MX1: variants seen among roughly 807,000 people sequenced by gnomAD.
MX1 encodes MX dynamin like GTPase 1.
In MX1, 66 loss-of-function variants were observed where a neutral mutation model predicts 66.4. The ratio of observed to expected loss-of-function variants is 0.99; its 90% CI spans 0.82 to 1.22. The LOEUF (loss-of-function observed/expected upper bound fraction) is 1.22. Ranked by LOEUF, MX1 falls within the 50% of genes most tolerant of loss-of-function variation. The pLI is 0.00. For synonymous variants in MX1, 311 were observed against 318.1 expected, an observed-to-expected ratio of 0.98 and a Z score of 0.24; for missense variants, 787 against 834.3, an observed-to-expected ratio of 0.94 and a Z score of 0.70.
chr21:41,438,029 G>A (rs1451911670), intron 7 of MX1, among the ~76,000 whole-genome samples: 1 of 152,256 alleles, frequency 6.6e-6, no homozygotes, highest in Admixed American at 6.5e-5. Flanking sequence ...AACAGCCTCT[G>A]TGAGATGCAT....
At chr21:41,445,361 C>A in intron 11 of MX1, 87 bp from the exon 12 acceptor site, 1 of 1,507,822 alleles carries the variant, frequency 6.6e-7, no homozygotes, top group Non-Finnish European at 9.1e-7. Context: ...GCCCACACAA[C>A]TCCTCTGCAG....
intron 3 of MX1, chr21:41,428,929 G>A (rs553054869): frequency 6.6e-6 from 1 of 152,342 alleles, no homozygotes; most frequent in African/African-American, 2.4e-5. Context: ...AGGGGCAGTT[G>A]CTCAGGATGT....
At chr21:41,452,595 C>T in intron 15 of MX1, 26 bp from the exon 16 acceptor site, 1 of 1,579,376 alleles carries the variant, frequency 6.3e-7, no homozygotes, top group Non-Finnish European at 8.6e-7. Context: ...TTGAGGGAAA[C>T]TGTATTTATT....
upstream of MX1, among the ~76,000 whole-genome samples, chr21:41,425,260 C>T (rs2090038699): frequency 1.3e-5 from 2 of 151,828 alleles, no homozygotes; most frequent in Admixed American, 6.6e-5. Context: ...GGGGTGGGGC[C>T]GTTTTATAGG....
chr21:41,441,335 C>G lies in MX1; in HGVS notation c.730+310C>G. ...GGCTAGGTTGCCTTGTAAGCCTTAT[C>G]TACTTGCTCAGAAAGGCACAGTGGG... On this transcript the variant is annotated intron_variant, in intron 9 of 16. Transcript: ENST00000398598. The surrounding 1 kb of genome is among the most constrained non-coding windows in gnomAD (Gnocchi z 4.0). 1 of 438,762 alleles carries G rather than the reference C, an allele frequency of 2.3e-6. No individual in the cohort carries two copies. The highest frequency in any genetic ancestry group is 4.2e-6 in the Non-Finnish European group (1 of 236,974). The allele number at this position is 438,762 out of a possible 1,614,324, so 27.2% of individuals were successfully genotyped here.
At chr21:41,452,300 G>A (rs887780846) in intron 15 of MX1, among the ~76,000 whole-genome samples, 3 of 152,102 alleles carry the variant, frequency 2.0e-5, no homozygotes, top group African/African-American at 2.4e-5. Context: ...GACAATCCTC[G>A]CCATCAGATA....
chr21:41,446,395 C>T (rs2090666189), intron 13 of MX1, among the ~76,000 whole-genome samples: 1 of 152,110 alleles, frequency 6.6e-6, no homozygotes, highest in East Asian at 1.9e-4. Context: ...ACAGGCATAC[C>T]TCAGAGATAT....
At chr21:41,431,254 C>T (rs2090203840) in intron 4 of MX1, among the ~76,000 whole-genome samples, 1 of 152,206 alleles carries the variant, frequency 6.6e-6, no homozygotes, top group Non-Finnish European at 1.5e-5. Flanking sequence ...AACTCCTGAC[C>T]TCAGGTGATC....
intron 16 of MX1, among the ~76,000 whole-genome samples, chr21:41,455,576 A>G (rs2090938412): frequency 6.6e-6 from 1 of 152,200 alleles, no homozygotes; most frequent in Non-Finnish European, 1.5e-5. Flanking sequence ...TCCGAGGCTG[A>G]CTCATGCACT....
intron 5 of MX1, 73 bp from the exon 6 acceptor site, chr21:41,435,764 G>C (rs1393301643): frequency 6.6e-7 from 1 of 1,504,966 alleles, no homozygotes; most frequent in African/African-American, 1.4e-5. Context: ...ATTTGGGTAG[G>C]GACACAGAAC....
Position 41,441,861 on chromosome 21 carries a change from G to C in MX1, c.876G>C (p.Leu292=). The C allele has an allele frequency of 1.2e-6, 2 of 1,614,220 alleles. No homozygotes were observed. Among genetic ancestry groups the C allele is most frequent in the Non-Finnish European group, 8.5e-7 (1 of 1,180,044 alleles). Residue 292 remains leucine (L), a synonymous_variant, in exon 10 of 17, where the codon CTG becomes CTC. Transcript: ENST00000398598. This position sits in a 1 kb window ranked among gnomAD's most constrained non-coding sequence, Gnocchi z 4.0. ...GQQEIQDQLS[L]SEALQREKIF... ...AGGAGATCCAGGACCAGCTGAGCCTGTCCGAAGCCCTGCAGAGAGAGAAGA... is the reference window on the plus strand; with the variant it reads ...AGGAGATCCAGGACCAGCTGAGCCTCTCCGAAGCCCTGCAGAGAGAGAAGA...
At chr21:41,428,190 GCC>G (rs2090117494) in intron 3 of MX1, 1 of 152,240 alleles carries the variant, frequency 6.6e-6, no homozygotes, top group Non-Finnish European at 1.5e-5. Flanking sequence ...ACAGGCACGA[GCC>G]ACTGCACCCA....
rs576661943 is a variant in MX1 at position 41,439,991 on chromosome 21, G to A, written c.591+143G>A. The A allele has an allele frequency of 3.4e-5, 28 of 829,590 alleles. No individual in the cohort carries two copies. In the South Asian group the frequency reaches 7.1e-4, roughly 21 times the overall value. 51.4% of individuals were successfully genotyped at this position (829,590 alleles called of 1,614,324 possible). On this transcript the variant is annotated intron_variant, in intron 8 of 16. Transcript: ENST00000398598. ...AGTTAGTATTTGGAGGTGTGAGTGG[G>A]GAATTTAGAGAGCCCGTTGGTCACA...
rs147098913 is a variant in MX1, at chr21:41,453,629, A to G, written c.1758+760A>G. Reference sequence around the variant, plus strand: ...TATTCTGAGCCAAATATGAGGGACCATGGCTCTGGGAACAGTCTCAGGAGG... The same window carrying G: ...TATTCTGAGCCAAATATGAGGGACCGTGGCTCTGGGAACAGTCTCAGGAGG... On this transcript the variant is annotated intron_variant, in intron 16 of 16. Transcript: ENST00000398598. Among the ~76,000 whole-genome samples the G allele has an allele frequency of 3.6e-3, 545 of 152,358 alleles. 4 individuals carry two copies. The highest frequency in any genetic ancestry group is 0.012 in the African/African-American group (500 of 41,578).
upstream of MX1, among the ~76,000 whole-genome samples, chr21:41,425,662 G>A (rs889024169): frequency 6.6e-6 from 1 of 151,954 alleles, no homozygotes; most frequent in East Asian, 1.9e-4. Flanking sequence ...CCACACACCC[G>A]TTTCCACCCT....
rs34717738 is a variant in MX1 at position 41,446,010 on chromosome 21, C to T, written c.1142C>T (p.Ala381Val). The change falls in exon 13 of 17, where the codon GCC becomes GTC. Residue 381 changes from alanine (A) to valine (V), a missense_variant. By Grantham distance (64) the Ala-to-Val change is moderately conservative. Coordinates refer to ENST00000398598, the MANE Select transcript of MX1 (RefSeq NM_002462.5). The stretch of plus-strand genomic sequence containing the variant: ...TTTTCTTCTTGACAGAAAGTTAATG[C>T]CTTTAATCAGGACATCACTGCTCTC... ...KMFFLIDKVN[A>V]FNQDITALMQ... 8 of 1,613,922 alleles carry T rather than the reference C, an allele frequency of 5.0e-6. No homozygotes were observed. Among genetic ancestry groups the T allele is most frequent in the Non-Finnish European group, 2.5e-6 (3 of 1,179,824 alleles).
Position 41,451,159 on chromosome 21 carries a change from T to C in MX1, c.1433-8T>C. The C allele has an allele frequency of 6.3e-7, 1 of 1,594,086 alleles. No homozygotes were observed. Among genetic ancestry groups the C allele is most frequent in the African/African-American group, 1.3e-5 (1 of 74,386 alleles). ...CCAATATTGAACTATTTTTCTCTCT[T>C]TGATTAGATATGGTCCGGCTTGCTT... is the stretch of plus-strand genomic sequence containing the variant. On this transcript the variant is annotated splice_polypyrimidine_tract_variant and splice_region_variant and intron_variant, in intron 14 of 16. Coordinates refer to ENST00000398598, the MANE Select transcript of MX1 (RefSeq NM_002462.5).
chr21:41,420,928 C>G (rs896985608), intron 1 of MX1: 7 of 152,238 alleles, frequency 4.6e-5, no homozygotes, highest in African/African-American at 1.7e-4. Context: ...GAAGGAGAGA[C>G]TTGGAAAAGA....
At chr21:41,443,081 T>C (rs2238714) in intron 10 of MX1, among the ~76,000 whole-genome samples, 2,899 of 152,342 alleles carry the variant, frequency 0.019, 137 homozygotes, top group East Asian at 0.16. Context: ...TCAAGTGTAC[T>C]CTTAAAGATG....
Sources: gnomAD v4.1 joint callset for allele counts (sites outside exome capture counted in the v4.1 genomes callset) on GRCh38, gnomAD v4.1.1 for gene constraint, Gnocchi (gnomAD v3.1) non-coding constraint, MANE v1.5 for transcripts, NCBI Gene and HGNC (gene_info 2026-07-23, HGNC 2026-07-21) for gene names.